The following ASAP1 variants were observed in gnomAD, a reference collection of about 807,000 sequenced individuals.
ASAP1 encodes the protein arf-GAP with SH3 domain, ANK repeat and PH domain-containing protein 1.
ASAP1 carries 43 observed loss-of-function variants against 145.2 expected under a neutral mutation model. The observed-to-expected ratio is 0.30, with a 90% CI of 0.23 to 0.38. The LOEUF (loss-of-function observed/expected upper bound fraction) is 0.38. Among genes scored for constraint, ASAP1 ranks in the 10% least tolerant of loss-of-function variants. The pLI is 1.00. For missense variants in ASAP1, 1,018 were observed against 1,355.3 expected, an observed-to-expected ratio of 0.75 and a Z score of 3.91; for synonymous variants, 546 against 515.5, an observed-to-expected ratio of 1.06 and a Z score of -0.80.
At chr8:130,260,260 T>C (rs1384684252) in intron 3 of ASAP1, among the ~76,000 whole-genome samples, 1 of 152,074 alleles carries the variant, frequency 6.6e-6, no homozygotes. Flanking sequence ...ACCATCACAG[T>C]CTCTTCCAAT....
intron 9 of ASAP1, among the ~76,000 whole-genome samples, chr8:130,175,164 C>T (rs74919440): frequency 0.021 from 3,225 of 152,220 alleles, 50 homozygotes; most frequent in East Asian, 0.052. Context: ...TTGATTTGTA[C>T]TTAACACCGA....
intron 3 of ASAP1, among the ~76,000 whole-genome samples, chr8:130,347,941 G>C (rs1442346946): frequency 6.6e-6 from 1 of 152,178 alleles, no homozygotes; most frequent in Non-Finnish European, 1.5e-5. Context: ...TGGGGAAGGG[G>C]AAGGGACCTC....
chr8:130,256,753 A>ATATATATATATATATATATATATCCT, intron 3 of ASAP1, among the ~76,000 whole-genome samples: 1 of 67,016 alleles, frequency 1.5e-5, no homozygotes, highest in Admixed American at 1.3e-4. Flanking sequence ...ATATATATAT[A>ATATATATATATATATATATATATCCT]TATATATATA....
chr8:130,415,119 G>T (rs890018150), intron 1 of ASAP1, among the ~76,000 whole-genome samples: 1 of 152,312 alleles, frequency 6.6e-6, no homozygotes, highest in Admixed American at 6.5e-5. Flanking sequence ...ATCTGTTGAT[G>T]AATACATTAA....
Position 130,119,371 on chromosome 8 carries a change from T to C in ASAP1, c.1608-696A>G, listed in dbSNP as rs1019815098. On this transcript the variant is annotated intron_variant, in intron 18 of 29. Coordinates refer to ENST00000518721, the MANE Select transcript of ASAP1 (RefSeq NM_018482.4). ...AGCTGTCTTTCCTGCACAGGTTCAG[T>C]ATGGGAGCAGGAGACCACATGGATA... Among the ~76,000 whole-genome samples the C allele has an allele frequency of 3.3e-5, 5 of 152,310 alleles. No individual in the cohort carries two copies. In the East Asian group the frequency reaches 9.6e-4, roughly 29 times the overall value.
chr8:130,245,881 T>C (rs577176682), intron 3 of ASAP1, among the ~76,000 whole-genome samples: 3 of 152,310 alleles, frequency 2.0e-5, no homozygotes, highest in East Asian at 3.9e-4. Context: ...AAGGTAAATA[T>C]TGCAACACAT....
intron 3 of ASAP1, among the ~76,000 whole-genome samples, chr8:130,253,281 G>A (rs1176559289): frequency 6.6e-6 from 1 of 152,188 alleles, no homozygotes; most frequent in East Asian, 1.9e-4. Flanking sequence ...CTATAAAACA[G>A]GGAAATTTAT....
intron 1 of ASAP1, among the ~76,000 whole-genome samples, chr8:130,428,845 CTGTCATTAAAAAGTACCAAAA>C (rs1251511258): frequency 6.6e-6 from 1 of 152,184 alleles, no homozygotes; most frequent in Non-Finnish European, 1.5e-5. Context: ...TTTTCTAGGG[CTGTCATTAAAAAGTACCAAAA>C]TTGGATGGCT....
intron 3 of ASAP1, among the ~76,000 whole-genome samples, chr8:130,256,784 CTT>C (rs1819594219): frequency 1.7e-5 from 1 of 58,752 alleles, no homozygotes; most frequent in South Asian, 4.6e-4. Context: ...TATATATATC[CTT>C]ATATATATAT....
chr8:130,061,170 T>C (rs1008889761), intron 27 of ASAP1, 101 bp from the exon 28 acceptor site: 2 of 1,396,640 alleles, frequency 1.4e-6, no homozygotes, highest in Admixed American at 2.6e-5. Flanking sequence ...AACTGACCTA[T>C]AGTGAGCACT....
intron 2 of ASAP1, among the ~76,000 whole-genome samples, chr8:130,397,627 C>T (rs571318262): frequency 6.6e-6 from 1 of 152,192 alleles, no homozygotes; most frequent in Non-Finnish European, 1.5e-5. Flanking sequence ...CTTCTTAGTG[C>T]CAGTTAAGCA....
At chr8:130,416,580 G>A (rs1306582733) in intron 1 of ASAP1, among the ~76,000 whole-genome samples, 1 of 152,206 alleles carries the variant, frequency 6.6e-6, no homozygotes, top group Non-Finnish European at 1.5e-5. Context: ...GGGGGCTGCT[G>A]TAAACTAGAT....
At chr8:130,352,650 C>A (rs960688210) in intron 3 of ASAP1, among the ~76,000 whole-genome samples, 1 of 152,134 alleles carries the variant, frequency 6.6e-6, no homozygotes, top group Admixed American at 6.5e-5. Context: ...ACTGGCTGTA[C>A]GACCTAGCTG....
intron 24 of ASAP1, among the ~76,000 whole-genome samples, chr8:130,108,666 G>A (rs1054930446): frequency 4.0e-5 from 6 of 151,032 alleles, no homozygotes; most frequent in African/African-American, 1.5e-4. Context: ...GGGCATGGTG[G>A]CAGTAAATAA....
chr8:130,111,210 CAAAAAAAAAA>C (rs768575084), intron 24 of ASAP1, among the ~76,000 whole-genome samples: 92 of 41,700 alleles, frequency 2.2e-3, no homozygotes, highest in Admixed American at 7.7e-3. Flanking sequence ...TCATCTCTAC[CAAAAAAAAAA>C]AAAAAAAAAA....
rs1464424145 is a variant in ASAP1 at position 130,053,696 on chromosome 8, C to G, written c.*1035G>C. 2 of 152,120 alleles carry G rather than the reference C, an allele frequency of 1.3e-5. No individual in the cohort carries two copies. Among genetic ancestry groups the G allele is most frequent in the Admixed American group, 1.3e-4 (2 of 15,270 alleles). 9.4% of individuals were successfully genotyped at this position (152,120 alleles called of 1,614,324 possible). Reference sequence around the variant, plus strand: ...TTAAAAGTTTAAATTTGTCCAAGAACAAAACTAAGAAAATAATAAAAAATG... The same window carrying G: ...TTAAAAGTTTAAATTTGTCCAAGAAGAAAACTAAGAAAATAATAAAAAATG... On this transcript the variant is annotated 3_prime_UTR_variant, in exon 30 of 30. Coordinates refer to ENST00000518721, the MANE Select transcript of ASAP1 (RefSeq NM_018482.4).
rs114026683 is a variant in ASAP1 at position 130,407,770 on chromosome 8, C to T, written c.-27-5800G>A. Reference sequence around the variant, plus strand: ...GACATAAATCATTTGGTACATAAACCCTTCTTTATTGCCATTCCTCAAATA... The same window carrying T: ...GACATAAATCATTTGGTACATAAACTCTTCTTTATTGCCATTCCTCAAATA... On this transcript the variant is annotated intron_variant, in intron 1 of 29. Transcript: ENST00000518721. 6.9e-3 allele frequency among the ~76,000 whole-genome samples: 1,044 copies of T among 152,262 alleles called. 16 individuals are homozygous for T. The highest frequency in any genetic ancestry group is 0.024 in the African/African-American group (998 of 41,534).
rs767610218 is a variant in ASAP1 at position 130,060,954 on chromosome 8, C to A, written c.2817G>T (p.Leu939=). The change falls in exon 28 of 30, where the codon CTG becomes CTT. Residue 939 remains leucine (L), a synonymous_variant. Transcript: ENST00000518721. The part of the protein sequence containing the change: ...ELPQKPPPGD[L]PPKPTELAPK... ...GGGCCAGTTCTGTGGGCTTTGGGGG[C>A]AGGTCTCCAGGTGGTGGCTTTTGTG... The A allele has an allele frequency of 6.3e-7, 1 of 1,599,510 alleles. No homozygotes were observed. The highest frequency in any genetic ancestry group is 8.5e-7 in the Non-Finnish European group (1 of 1,173,840).
At chr8:130,150,774 G>A (rs2097644391) in intron 13 of ASAP1, among the ~76,000 whole-genome samples, 1 of 152,146 alleles carries the variant, frequency 6.6e-6, no homozygotes, top group African/African-American at 2.4e-5. Flanking sequence ...CAGCTACTTA[G>A]GAGGCTGAGA....
Sources: gnomAD v4.1 joint callset for allele counts (sites outside exome capture counted in the v4.1 genomes callset) on GRCh38, gnomAD v4.1.1 for gene constraint, MANE v1.5 for transcripts, NCBI Gene and HGNC (gene_info 2026-07-23, HGNC 2026-07-21) for gene names.